The following SLC16A7 variants were observed in gnomAD, a reference collection of about 807,000 sequenced individuals.
The protein encoded by SLC16A7 is monocarboxylate transporter 2.
In SLC16A7, 33 loss-of-function variants were observed where a neutral mutation model predicts 34.9. The ratio of observed to expected loss-of-function variants is 0.94; its 90% CI spans 0.72 to 1.26. The LOEUF (loss-of-function observed/expected upper bound fraction) is 1.26, where lower values mean the gene tolerates loss of function less well. Among genes scored for constraint, SLC16A7 ranks in the 50% most tolerant of loss-of-function variants. SLC16A7 has a pLI of 0.00. For synonymous variants in SLC16A7, 201 were observed against 206.6 expected (o/e 0.97, Z 0.23); for missense variants, 573 against 578.1 (o/e 0.99, Z 0.09).
chr12:59,759,616 A>C (rs946062360), intron 3 of SLC16A7, among the ~76,000 whole-genome samples: 2 of 152,060 alleles, frequency 1.3e-5, no homozygotes, highest in African/African-American at 4.8e-5. Context: ...GAATGTAAAT[A>C]GACATCTTTC....
chr12:59,708,987 CATTAATAA>C, intron 3 of SLC16A7, among the ~76,000 whole-genome samples: 1 of 151,534 alleles, frequency 6.6e-6, no homozygotes, highest in East Asian at 1.9e-4. Context: ...GTGGTCACCC[CATTAATAA>C]AGCACTAAGT....
At chr12:59,679,121 C>T (rs1565644967) in intron 2 of SLC16A7, among the ~76,000 whole-genome samples, 1 of 152,146 alleles carries the variant, frequency 6.6e-6, no homozygotes, top group Non-Finnish European at 1.5e-5. Flanking sequence ...TGCAGAGATG[C>T]CAGCATCCAC....
At chr12:59,735,143 G>C (rs566570856) in intron 3 of SLC16A7, among the ~76,000 whole-genome samples, 3 of 152,276 alleles carry the variant, frequency 2.0e-5, no homozygotes, top group African/African-American at 7.2e-5. Context: ...ACCACTACTA[G>C]GTTCCTAAAA....
chr12:59,610,567 C>A (rs1879147890), intron 1 of SLC16A7, among the ~76,000 whole-genome samples: 1 of 152,012 alleles, frequency 6.6e-6, no homozygotes, highest in Non-Finnish European at 1.5e-5. Context: ...TCAAAAAAAA[C>A]CTTAATAATT....
chr12:59,770,258 A>C (rs1882091724), intron 3 of SLC16A7, among the ~76,000 whole-genome samples: 1 of 152,102 alleles, frequency 6.6e-6, no homozygotes, highest in Non-Finnish European at 1.5e-5. Context: ...CTTCCCTTTC[A>C]CTACCGGACT....
chr12:59,740,906 A>C (rs554501498), intron 3 of SLC16A7, among the ~76,000 whole-genome samples: 2 of 152,302 alleles, frequency 1.3e-5, no homozygotes, highest in East Asian at 3.9e-4. Flanking sequence ...AAGCATTCTT[A>C]TACACCAATA....
chr12:59,734,136 G>T, intron 3 of SLC16A7: 1 of 216,828 alleles, frequency 4.6e-6, no homozygotes, highest in Non-Finnish European at 9.5e-6. Context: ...ACCCCTTTCT[G>T]CCCAGGAATC....
chr12:59,650,751 C>T (rs955921516), intron 1 of SLC16A7, among the ~76,000 whole-genome samples: 1 of 152,094 alleles, frequency 6.6e-6, no homozygotes, highest in Non-Finnish European at 1.5e-5. Flanking sequence ...AGGGTGGACT[C>T]CATGCAAATT....
chr12:59,673,720 T>A (rs1410904379), intron 2 of SLC16A7, among the ~76,000 whole-genome samples: 1 of 152,166 alleles, frequency 6.6e-6, no homozygotes, highest in Non-Finnish European at 1.5e-5. Flanking sequence ...AAGATGACAC[T>A]GCATGTTCAA....
chr12:59,767,039 T>A (rs531162386), intron 3 of SLC16A7, among the ~76,000 whole-genome samples: 1 of 151,496 alleles, frequency 6.6e-6, no homozygotes, highest in Admixed American at 6.6e-5. Flanking sequence ...GAGATTCAAC[T>A]TCTTCCTGGT....
intron 2 of SLC16A7, among the ~76,000 whole-genome samples, chr12:59,660,642 T>G (rs372799368): frequency 1.5e-3 from 227 of 152,052 alleles, no homozygotes; most frequent in South Asian, 4.6e-3. Flanking sequence ...GCCCAGGAGT[T>G]CAAGGCTGCA....
rs142586562 is a variant in SLC16A7 at position 59,774,951 on chromosome 12, G to T, written c.656G>T (p.Ser219Ile). 2.3e-3 allele frequency: 3,684 copies of T among 1,613,836 alleles called. 10 individuals carry two copies. The highest frequency in any genetic ancestry group is 2.9e-3 in the Non-Finnish European group (3,368 of 1,179,898). Residue 219 changes from serine (S) to isoleucine (I), a missense_variant, in exon 5 of 6, where the codon AGC (serine) becomes ATC (isoleucine). By Grantham distance (142) the Ser-to-Ile change is moderately radical. Coordinates refer to ENST00000547379, the MANE Select transcript of SLC16A7 (RefSeq NM_001270623.2). ...NKTGKTEDDS[S>I]PKKIKTKKST... ...ACTGGCAAAACAGAAGATGATTCAA[G>T]CCCAAAGAAAATCAAAACGAAGAAA...
At chr12:59,678,814 G>A (rs1472922870) in intron 2 of SLC16A7, among the ~76,000 whole-genome samples, 2 of 152,142 alleles carry the variant, frequency 1.3e-5, no homozygotes, top group Admixed American at 6.5e-5. Flanking sequence ...ATGATGCACA[G>A]GCTGCTTGTG....
chr12:59,774,172 A>C (rs1882507337), intron 4 of SLC16A7, among the ~76,000 whole-genome samples: 2 of 152,348 alleles, frequency 1.3e-5, no homozygotes, highest in South Asian at 4.1e-4. Context: ...GTGGGGAGAC[A>C]TAAGATTGTT....
chr12:59,751,613 G>T (rs899223324), intron 3 of SLC16A7, among the ~76,000 whole-genome samples: 3 of 152,216 alleles, frequency 2.0e-5, no homozygotes, highest in African/African-American at 7.2e-5. Flanking sequence ...GCTCCAACTG[G>T]GTGGAGCCCA....
chr12:59,624,855 T>C (rs975404014), intron 1 of SLC16A7, among the ~76,000 whole-genome samples: 8 of 151,580 alleles, frequency 5.3e-5, no homozygotes, highest in African/African-American at 1.9e-4. Flanking sequence ...GCAGGGCATA[T>C]CACCTTTTAC....
intron 2 of SLC16A7, among the ~76,000 whole-genome samples, chr12:59,675,956 T>C (rs1020909569): frequency 2.0e-5 from 3 of 152,184 alleles, no homozygotes; most frequent in Non-Finnish European, 2.9e-5. Flanking sequence ...AATATTTCTT[T>C]AAATCTTCCT....
At chr12:59,606,906 C>A (rs1478435977) in intron 1 of SLC16A7, among the ~76,000 whole-genome samples, 1 of 152,028 alleles carries the variant, frequency 6.6e-6, no homozygotes, top group African/African-American at 2.4e-5. Flanking sequence ...TAATTAAAGG[C>A]ACAACCCAGA....
At chr12:59,707,227 T>C (rs983397497) in intron 3 of SLC16A7, among the ~76,000 whole-genome samples, 1 of 152,100 alleles carries the variant, frequency 6.6e-6, no homozygotes, top group African/African-American at 2.4e-5. Flanking sequence ...GGGCCATGGA[T>C]GCTGGGAAAT....
Sources: gnomAD v4.1 joint callset for allele counts (sites outside exome capture counted in the v4.1 genomes callset) on GRCh38, gnomAD v4.1.1 for gene constraint, MANE v1.5 for transcripts, NCBI Gene and HGNC (gene_info 2026-07-23, HGNC 2026-07-21) for gene names.